The following CFAP52 variants were observed in gnomAD, a reference collection of about 807,000 sequenced individuals.
CFAP52 encodes cilia- and flagella-associated protein 52.
Under a neutral mutation model 70.5 loss-of-function variants are expected in CFAP52, and 57 were observed. The observed-to-expected ratio is 0.81, with a 90% confidence interval of 0.65 to 1.01. CFAP52 has a LOEUF of 1.01. CFAP52 is among the 50% of genes least tolerant of loss of function. CFAP52 has a pLI of 0.00. For missense variants in CFAP52, 785 were observed against 788.5 expected (o/e 1.00, Z 0.05); for synonymous variants, 267 against 292.5 (o/e 0.91, Z 0.89).
chr17:9,598,100 G>T, intron 4 of CFAP52, 134 bp from the exon 5 acceptor site: 1 of 644,386 alleles, frequency 1.6e-6, no homozygotes, highest in South Asian at 1.9e-5. Flanking sequence ...TCGAATAAAA[G>T]ATCTTTCATA....
In CFAP52 at chr17:9,585,934, T is replaced by A. The variant is rs756574575; in HGVS notation, c.232T>A (p.Tyr78Asn). The A allele has an allele frequency of 6.2e-7, 1 of 1,613,610 alleles. No individual in the cohort carries two copies. The highest frequency in any genetic ancestry group is 8.5e-7 in the Non-Finnish European group (1 of 1,179,922). The change falls in exon 2 of 14, where the codon TAC becomes AAC. Residue 78 changes from tyrosine (Y) to asparagine (N), a missense_variant. Tyr to Asn is a moderately radical substitution (Grantham distance 143). Transcript: ENST00000352665. ...SCLAISRSGE[Y>N]IASGQVTFMG... Reference sequence around the variant, plus strand: ...CTTGGCCATCTCCAGGTCTGGAGAGTACATCGCCTCCGGACAAGTCACATT... The same window carrying A: ...CTTGGCCATCTCCAGGTCTGGAGAGAACATCGCCTCCGGACAAGTCACATT...
At chr17:9,642,609 C>T (rs575066970) in intron 13 of CFAP52, among the ~76,000 whole-genome samples, 28 of 152,156 alleles carry the variant, frequency 1.8e-4, no homozygotes, top group Admixed American at 4.6e-4. Flanking sequence ...GAGTGACAGA[C>T]AGTCCGTCTC....
Position 9,632,955 on chromosome 17 carries a change from TGC to T in CFAP52, c.1243_1244del (p.Ala415SerfsTer13). 6.2e-7 allele frequency: 1 copy of T among 1,614,204 alleles called. No individual in the cohort carries two copies. The highest frequency in any genetic ancestry group is 8.5e-7 in the Non-Finnish European group (1 of 1,180,030). On this transcript the variant is annotated frameshift_variant, in exon 10 of 14. Transcript: ENST00000352665. LOFTEE classifies it high-confidence loss of function. ...TGRLMYVINN[A>X]HRIGVTAIAT... ...GCCGACTGATGTATGTCATTAACAA[TGC>T]TCACAGGATCGGCGTCACCGCCATC...
At chr17:9,644,833 C>T (rs1911249400), downstream of CFAP52, 2 of 152,182 alleles carry the variant, frequency 1.3e-5, no homozygotes, top group African/African-American at 2.4e-5. Flanking sequence ...CGGGCGGCCT[C>T]CCTACGTTGC....
intron 5 of CFAP52, among the ~76,000 whole-genome samples, chr17:9,599,031 T>C (rs962789807): frequency 6.6e-6 from 1 of 152,208 alleles, no homozygotes; most frequent in Non-Finnish European, 1.5e-5. Context: ...ATCTCTTCCA[T>C]AAAGAGAAAT....
chr17:9,643,668 G>A (rs1911191643), downstream of CFAP52, among the ~76,000 whole-genome samples: 1 of 152,146 alleles, frequency 6.6e-6, no homozygotes, highest in Non-Finnish European at 1.5e-5. Context: ...TTTCTCTTTT[G>A]TCAAGCAAGA....
chr17:9,628,281 T>TC (rs1910312925), intron 8 of CFAP52, among the ~76,000 whole-genome samples: 1 of 150,300 alleles, frequency 6.7e-6, no homozygotes, highest in Non-Finnish European at 1.5e-5. Context: ...TTCCCTATAT[T>TC]CTTTTTTTTT....
intron 1 of CFAP52, among the ~76,000 whole-genome samples, chr17:9,583,026 T>C (rs1044495276): frequency 2.2e-4 from 34 of 152,260 alleles, no homozygotes; most frequent in Admixed American, 2.2e-3. Flanking sequence ...TGGAAAGTCA[T>C]TTCTTACTTT....
chr17:9,622,875 C>T (rs1018209767), intron 8 of CFAP52, among the ~76,000 whole-genome samples: 1 of 152,152 alleles, frequency 6.6e-6, no homozygotes, highest in Non-Finnish European at 1.5e-5. Flanking sequence ...GAACTAGTCT[C>T]ATAGATTAGT....
chr17:9,639,395 C>T (rs1274504281), intron 12 of CFAP52, among the ~76,000 whole-genome samples: 4 of 151,602 alleles, frequency 2.6e-5, no homozygotes. Flanking sequence ...TGCACCACTG[C>T]ACTCCAGTCT....
In CFAP52 at chr17:9,640,380, T is replaced by C. The variant is rs559036067; in HGVS notation, c.1576-1344T>C. Reference sequence around the variant, plus strand: ...TGCATGCATTAGCTATTCTTCCTGATGCTCTTCCTCCCCCCACCCACCACC... The same window carrying C: ...TGCATGCATTAGCTATTCTTCCTGACGCTCTTCCTCCCCCCACCCACCACC... On this transcript the variant is annotated intron_variant, in intron 12 of 13. Coordinates refer to ENST00000352665, the MANE Select transcript of CFAP52 (RefSeq NM_145054.5). 9.9e-5 allele frequency among the ~76,000 whole-genome samples: 15 copies of C among 152,180 alleles called. No individual in the cohort carries two copies. In the East Asian group the frequency reaches 2.9e-3, roughly 29 times the overall value.
rs1399412719 is a variant in CFAP52 at position 9,597,827 on chromosome 17, GAGAA to G, written c.537-403_537-400del. On this transcript the variant is annotated intron_variant, in intron 4 of 13. Transcript: ENST00000352665. ...AAAGAGAGAGAGAGAGAGAGAGAGA[GAGAA>G]AGAGAGAAAGAGAGAGAGAAAGAGA... Among the ~76,000 whole-genome samples the G allele has an allele frequency of 7.7e-4, 115 of 149,244 alleles. 1 individual carries two copies. The East Asian group carries it at 0.014, about 18-fold the overall frequency.
At chr17:9,605,944 T>C (rs117945544) in intron 6 of CFAP52, among the ~76,000 whole-genome samples, 3,706 of 152,256 alleles carry the variant, frequency 0.024, 57 homozygotes, top group Non-Finnish European at 0.036. Flanking sequence ...TTAGCTGTCA[T>C]ACATCTACTC....
chr17:9,612,237 C>A, intron 7 of CFAP52, 72 bp from the exon 8 acceptor site: 1 of 1,546,062 alleles, frequency 6.5e-7, no homozygotes, highest in South Asian at 1.2e-5. Context: ...GTATCCTCTG[C>A]CATGCTTCAC....
intron 8 of CFAP52, among the ~76,000 whole-genome samples, chr17:9,625,345 G>A (rs1406621163): frequency 6.6e-6 from 1 of 151,962 alleles, no homozygotes; most frequent in Non-Finnish European, 1.5e-5. Flanking sequence ...TATTCTTGTG[G>A]TTCTCTTGCC....
At chr17:9,600,709 C>T (rs938958253) in intron 6 of CFAP52, among the ~76,000 whole-genome samples, 22 of 152,194 alleles carry the variant, frequency 1.4e-4, no homozygotes, top group South Asian at 2.1e-4. Context: ...GGACTACAGG[C>T]GCCCGCCACC....
At chr17:9,587,523 C>T (rs148055444) in intron 3 of CFAP52, among the ~76,000 whole-genome samples, 41 of 152,312 alleles carry the variant, frequency 2.7e-4, no homozygotes, top group Non-Finnish European at 1.6e-4. Flanking sequence ...GCAACCTCAC[C>T]AGCATCTGTT....
At chr17:9,595,044 A>C (rs1174671991) in intron 4 of CFAP52, among the ~76,000 whole-genome samples, 8 of 152,006 alleles carry the variant, frequency 5.3e-5, no homozygotes, top group Non-Finnish European at 1.2e-4. Context: ...GTGCCCGCCA[A>C]CACACCCGGC....
At chr17:9,597,837 G>A (rs1175296122) in intron 4 of CFAP52, among the ~76,000 whole-genome samples, 1 of 150,258 alleles carries the variant, frequency 6.7e-6, no homozygotes, top group Non-Finnish European at 1.5e-5. Flanking sequence ...GAGAAAGAGA[G>A]AAAGAGAGAG....
Sources: allele counts gnomAD v4.1 joint callset (sites outside exome capture counted in the v4.1 genomes callset), GRCh38; gene constraint gnomAD v4.1.1; transcripts MANE v1.5; gene names NCBI Gene and HGNC (gene_info 2026-07-23, HGNC 2026-07-21).